The following PACRG variants were observed in gnomAD, a reference collection of about 807,000 sequenced individuals.
PACRG encodes the protein parkin coregulated.
A neutral mutation model predicts 29.7 loss-of-function variants in PACRG; 29 were observed. The ratio of observed to expected loss-of-function variants is 0.98; its 90% CI spans 0.73 to 1.33. The LOEUF (loss-of-function observed/expected upper bound fraction) is 1.33, where lower values mean the gene tolerates loss of function less well. Among genes scored for constraint, PACRG ranks in the 40% most tolerant of loss-of-function variants. PACRG has a pLI of 0.00. For synonymous variants in PACRG, 116 were observed against 118.7 expected, an observed-to-expected ratio of 0.98 and a Z score of 0.15; for missense variants, 279 against 316.2, an observed-to-expected ratio of 0.88 and a Z score of 0.89.
chr6:163,264,668 C>G (rs1783460546), intron 4 of PACRG, among the ~76,000 whole-genome samples: 1 of 152,128 alleles, frequency 6.6e-6, no homozygotes, highest in Non-Finnish European at 1.5e-5. Flanking sequence ...AGGGTATATA[C>G]ACGGTGAGGG....
At chr6:163,202,169 G>A (rs1254117878) in intron 4 of PACRG, among the ~76,000 whole-genome samples, 8 of 152,156 alleles carry the variant, frequency 5.3e-5, no homozygotes, top group Non-Finnish European at 1.0e-4. Context: ...GGGGCAGAGG[G>A]GAAAATGGAG....
chr6:163,299,450 T>A (rs1784904832), intron 4 of PACRG, among the ~76,000 whole-genome samples: 1 of 152,182 alleles, frequency 6.6e-6, no homozygotes, highest in Non-Finnish European at 1.5e-5. Flanking sequence ...CTACCTGTGA[T>A]GAGGAGAGTG....
chr6:162,831,974 T>A (rs1353600011), intron 2 of PACRG, among the ~76,000 whole-genome samples: 1 of 152,240 alleles, frequency 6.6e-6, no homozygotes, highest in African/African-American at 2.4e-5. Context: ...AATGTACACA[T>A]GCATGTATCT....
intron 1 of PACRG, among the ~76,000 whole-genome samples, chr6:162,785,123 G>C (rs376548454): frequency 6.6e-6 from 1 of 151,228 alleles, no homozygotes; most frequent in Non-Finnish European, 1.5e-5. Flanking sequence ...GTTAGCTTTA[G>C]GGTAGGCACA....
chr6:163,044,698 T>C (rs1381959525), intron 2 of PACRG: 1 of 152,048 alleles, frequency 6.6e-6, no homozygotes, highest in African/African-American at 2.4e-5. Context: ...GGGCTACGAG[T>C]GTGCTGGCAA....
intron 4 of PACRG, among the ~76,000 whole-genome samples, chr6:163,108,034 A>T (rs768744781): frequency 3.9e-5 from 6 of 152,232 alleles, no homozygotes; most frequent in Non-Finnish European, 8.8e-5. Flanking sequence ...TAGGTTTGAC[A>T]TAAGGGAGGT....
chr6:163,034,147 C>T (rs1227023191), intron 2 of PACRG, among the ~76,000 whole-genome samples: 1 of 152,110 alleles, frequency 6.6e-6, no homozygotes, highest in East Asian at 1.9e-4. Flanking sequence ...CAGAGAAAGA[C>T]CCACCCATTG....
At chr6:163,228,379 C>CAAAAAAA (rs11362557) in intron 4 of PACRG, among the ~76,000 whole-genome samples, 7 of 68,166 alleles carry the variant, frequency 1.0e-4, no homozygotes, top group Admixed American at 4.2e-4. Context: ...TTTAAGCAGG[C>CAAAAAAA]AAAAAAAAAA....
intron 2 of PACRG, among the ~76,000 whole-genome samples, chr6:163,049,530 G>C (rs1261167215): frequency 6.6e-6 from 1 of 151,844 alleles, no homozygotes; most frequent in Non-Finnish European, 1.5e-5. Flanking sequence ...AAATTGTCAT[G>C]GCAAAAGAAA....
intron 2 of PACRG, among the ~76,000 whole-genome samples, chr6:163,004,737 T>TAC (rs146095540): frequency 3.4e-3 from 454 of 135,514 alleles, no homozygotes; most frequent in South Asian, 7.5e-3. Flanking sequence ...TATATATATA[T>TAC]ACACACACAC....
chr6:162,886,469 A>T (rs1000940492), intron 2 of PACRG, among the ~76,000 whole-genome samples: 2 of 152,182 alleles, frequency 1.3e-5, no homozygotes, highest in African/African-American at 4.8e-5. Context: ...ACTTCATACA[A>T]TCACATGGCA....
intron 4 of PACRG, among the ~76,000 whole-genome samples, chr6:163,169,230 C>T (rs2128345867): frequency 6.6e-6 from 1 of 152,218 alleles, no homozygotes; most frequent in South Asian, 2.1e-4. Context: ...CTCACTGAAG[C>T]GTGTATTATG....
At chr6:162,854,369 A>T (rs1277210344) in intron 2 of PACRG, among the ~76,000 whole-genome samples, 3 of 152,172 alleles carry the variant, frequency 2.0e-5, no homozygotes, top group Middle Eastern at 6.3e-3. Context: ...ATAGTTCCAC[A>T]AAAGAAAACC....
chr6:163,241,435 G>A (rs937460453), intron 4 of PACRG, among the ~76,000 whole-genome samples: 6 of 152,158 alleles, frequency 3.9e-5, no homozygotes, highest in East Asian at 1.9e-4. Flanking sequence ...TATGTAATAC[G>A]CAGCCCTTCC....
rs574363619 is a variant in PACRG at position 163,204,490 on chromosome 6, T to C, written c.614-110337T>C. 2.6e-5 allele frequency among the ~76,000 whole-genome samples: 4 copies of C among 152,302 alleles called. No homozygotes were observed. The East Asian group carries it at 7.7e-4, about 29-fold the overall frequency. On this transcript the variant is annotated intron_variant, in intron 4 of 4. Transcript: ENST00000366888. ...ACACCCATCCCATCTGTTATCCTTG[T>C]CCTCTTTCTCTTCTCCTCTACCCCC...
intron 2 of PACRG, among the ~76,000 whole-genome samples, chr6:162,841,128 T>C (rs1032752984): frequency 3.5e-5 from 5 of 144,578 alleles, no homozygotes; most frequent in African/African-American, 1.3e-4. Flanking sequence ...TTAGGGAGGA[T>C]TCCCTCTTTT....
At chr6:163,309,605 G>A (rs58627325) in intron 4 of PACRG, among the ~76,000 whole-genome samples, 24,007 of 152,204 alleles carry the variant, frequency 0.16, 2,248 homozygotes, top group African/African-American at 0.26. Flanking sequence ...CATCATCTCA[G>A]TCACCTCTTA....
At chr6:163,301,374 G>A (rs1380215457) in intron 4 of PACRG, among the ~76,000 whole-genome samples, 1 of 152,214 alleles carries the variant, frequency 6.6e-6, no homozygotes, top group African/African-American at 2.4e-5. Flanking sequence ...AAGGAAAACG[G>A]AACGATTAAG....
chr6:162,968,188 G>A (rs1331417396), intron 2 of PACRG, among the ~76,000 whole-genome samples: 1 of 152,116 alleles, frequency 6.6e-6, no homozygotes, highest in African/African-American at 2.4e-5. Context: ...CTTCCACTGT[G>A]TTAGAACACC....
Sources: gnomAD v4.1 joint callset for allele counts (sites outside exome capture counted in the v4.1 genomes callset) on GRCh38, gnomAD v4.1.1 for gene constraint, MANE v1.5 for transcripts, NCBI Gene and HGNC (gene_info 2026-07-23, HGNC 2026-07-21) for gene names.